SEMA3D: variants seen among roughly 807,000 people sequenced by gnomAD.
The protein encoded by SEMA3D is semaphorin-3D.
SEMA3D carries 84 observed loss-of-function variants against 100.1 expected under a neutral mutation model. The observed-to-expected ratio is 0.84, with a 90% CI of 0.70 to 1.01. The LOEUF (loss-of-function observed/expected upper bound fraction) is 1.01, where lower values mean the gene tolerates loss of function less well. Ranked by LOEUF, SEMA3D falls within the 50% of genes least tolerant of loss-of-function variation. The probability of loss-of-function intolerance (pLI) is 0.00; values close to 1 mark genes in which losing one functional copy is unlikely to be tolerated. For missense variants in SEMA3D, 875 were observed against 934.1 expected (o/e 0.94, Z 0.82); for synonymous variants, 312 against 320.7 (o/e 0.97, Z 0.29).
At chr7:85,035,723 G>T (rs1416886917) in intron 12 of SEMA3D, among the ~76,000 whole-genome samples, 2 of 151,734 alleles carry the variant, frequency 1.3e-5, no homozygotes, top group East Asian at 3.9e-4. Context: ...AAGGGGATAG[G>T]TCTCATGTTA....
At chr7:85,230,548 T>C in the SEMA3D span, among the ~76,000 whole-genome samples, 17 of 152,324 alleles carry the variant, frequency 1.1e-4, no homozygotes, top group African/African-American at 2.4e-4. Context: ...AGTCGTCCAG[T>C]ATGAAGTGTT....
At chr7:85,066,263 G>A (rs915612073) in intron 7 of SEMA3D, among the ~76,000 whole-genome samples, 2 of 151,860 alleles carry the variant, frequency 1.3e-5, no homozygotes, top group Non-Finnish European at 2.9e-5. Flanking sequence ...AGAGAAAGGA[G>A]AGAAGAACAA....
chr7:85,212,591 CGTGTTT>C, the SEMA3D span, among the ~76,000 whole-genome samples: 1 of 151,680 alleles, frequency 6.6e-6, no homozygotes, highest in African/African-American at 2.4e-5. Context: ...GTGTGTGTTG[CGTGTTT>C]GTATCATTAG....
At chr7:85,138,655 A>AT (rs1789939200) in intron 2 of SEMA3D, among the ~76,000 whole-genome samples, 5 of 144,250 alleles carry the variant, frequency 3.5e-5, no homozygotes, top group African/African-American at 1.0e-4. Flanking sequence ...TATTTAATTT[A>AT]ATATATATAT....
intron 5 of SEMA3D, among the ~76,000 whole-genome samples, chr7:85,081,173 T>G (rs1490063464): frequency 6.6e-6 from 1 of 152,228 alleles, no homozygotes. Context: ...TACAAAAACA[T>G]GTATGCATAA....
chr7:85,231,260 A>C, the SEMA3D span, among the ~76,000 whole-genome samples: 1 of 152,028 alleles, frequency 6.6e-6, no homozygotes, highest in Non-Finnish European at 1.5e-5. Flanking sequence ...TTGATATATT[A>C]TGATTATTGA....
chr7:85,160,968 A>G (rs1013954662), intron 1 of SEMA3D, among the ~76,000 whole-genome samples: 1 of 152,208 alleles, frequency 6.6e-6, no homozygotes, highest in African/African-American at 2.4e-5. Context: ...AAGTATAAAA[A>G]TGCAAGCAAT....
chr7:85,027,695 G>A (rs1790429591), intron 12 of SEMA3D: 1 of 288,256 alleles, frequency 3.5e-6, no homozygotes, highest in African/African-American at 2.3e-5. Flanking sequence ...TGTTTTTGAT[G>A]TTTTATGCGG....
intron 1 of SEMA3D, among the ~76,000 whole-genome samples, chr7:85,173,122 G>A (rs1321524681): frequency 2.0e-5 from 2 of 100,770 alleles, no homozygotes; most frequent in Non-Finnish European, 5.0e-5. Context: ...GTTAAAAAGA[G>A]AGAAAGAGAG....
At chr7:85,006,193 TA>T (rs1177673911) in intron 18 of SEMA3D, among the ~76,000 whole-genome samples, 1 of 152,024 alleles carries the variant, frequency 6.6e-6, no homozygotes, top group Non-Finnish European at 1.5e-5. Flanking sequence ...CTTAATTTTA[TA>T]GTAACTTTTG....
intron 2 of SEMA3D, among the ~76,000 whole-genome samples, chr7:85,136,507 G>A (rs948656318): frequency 6.6e-6 from 1 of 152,016 alleles, no homozygotes; most frequent in Non-Finnish European, 1.5e-5. Flanking sequence ...GCGCAATATG[G>A]TAAAGTAACA....
chr7:85,222,315 C>T, the SEMA3D span, among the ~76,000 whole-genome samples: 1 of 151,118 alleles, frequency 6.6e-6, no homozygotes, highest in Non-Finnish European at 1.5e-5. Context: ...AAAAAAAATC[C>T]AAGCTGGGTG....
At chr7:85,236,083 GGTATA>G in the SEMA3D span, among the ~76,000 whole-genome samples, 1 of 151,856 alleles carries the variant, frequency 6.6e-6, no homozygotes, top group African/African-American at 2.4e-5. Flanking sequence ...CCAGTAGTTA[GGTATA>G]AGGCAATTAC....
rs547893392 is a variant in SEMA3D at position 85,010,620 on chromosome 7, C to T, written c.1768+2162G>A. Among the ~76,000 whole-genome samples the T allele has an allele frequency of 2.6e-5, 4 of 151,906 alleles. No homozygotes were observed. In the South Asian group the frequency reaches 8.3e-4, roughly 31 times the overall value. Reference sequence around the variant, plus strand: ...ATAATATAAAAGTGACTCCTAGCTGCTTTTTGACATAAGTAGCTGGGTGAA... The same window carrying T: ...ATAATATAAAAGTGACTCCTAGCTGTTTTTTGACATAAGTAGCTGGGTGAA... On this transcript the variant is annotated intron_variant, in intron 17 of 18. Transcript: ENST00000284136.
chr7:85,089,026 C>T (rs1006937183), intron 4 of SEMA3D, among the ~76,000 whole-genome samples: 70 of 152,080 alleles, frequency 4.6e-4, no homozygotes, highest in African/African-American at 1.4e-3. Flanking sequence ...TAGTTTGAGA[C>T]CTTTTTCCAG....
chr7:85,140,183 T>C (rs1320330528), intron 2 of SEMA3D: 7 of 507,742 alleles, frequency 1.4e-5, no homozygotes, highest in Non-Finnish European at 1.8e-5. Flanking sequence ...TAAGAGCATT[T>C]ATTTAATGTT....
At chr7:85,218,128 T>G in the SEMA3D span, among the ~76,000 whole-genome samples, 1 of 152,084 alleles carries the variant, frequency 6.6e-6, no homozygotes, top group African/African-American at 2.4e-5. Context: ...TATTCAATTA[T>G]TCTGCACTGA....
At position 85,060,860 on chromosome 7, in the gene SEMA3D, A is replaced by G. The variant is rs1335940260; in HGVS notation, c.718+4564T>C. Among the ~76,000 whole-genome samples, 3 of 152,190 alleles carry G rather than the reference A, an allele frequency of 2.0e-5. 1 individual carries two copies. The highest frequency in any genetic ancestry group is 1.5e-5 in the Non-Finnish European group (1 of 68,034). Reference sequence around the variant, plus strand: ...GAAACTTCAAATGAAAACTGTCTCCATATGTTAGAAAAGAAAATTTAAAAC... The same window carrying G: ...GAAACTTCAAATGAAAACTGTCTCCGTATGTTAGAAAAGAAAATTTAAAAC... On this transcript the variant is annotated intron_variant, in intron 8 of 18. Coordinates refer to ENST00000284136, the MANE Select transcript of SEMA3D (RefSeq NM_001384900.1).
intron 2 of SEMA3D, chr7:85,140,086 A>T: frequency 1.1e-5 from 4 of 378,938 alleles, no homozygotes; most frequent in Non-Finnish European, 1.4e-5. Context: ...ATATATTAAC[A>T]ATATATTACT....
Sources: gnomAD v4.1 joint callset for allele counts (sites outside exome capture counted in the v4.1 genomes callset) on GRCh38, gnomAD v4.1.1 for gene constraint, MANE v1.5 for transcripts, NCBI Gene and HGNC (gene_info 2026-07-23, HGNC 2026-07-21) for gene names.